Variants in HECW2 observed in about 807,000 individuals in gnomAD.
The protein encoded by HECW2 is HECT, C2 and WW domain containing E3 ubiquitin protein ligase 2.
HECW2 carries 61 observed loss-of-function variants against 175.2 expected under a neutral mutation model. The ratio of observed to expected loss-of-function variants is 0.35; its 90% confidence interval spans 0.28 to 0.43. HECW2 has a LOEUF of 0.43. Among genes scored for constraint, HECW2 ranks in the 20% least tolerant of loss-of-function variants. The probability of loss-of-function intolerance (pLI) is 1.00; values close to 1 mark genes in which losing one functional copy is unlikely to be tolerated. For missense variants in HECW2, 1,524 were observed against 2,000.5 expected, an observed-to-expected ratio of 0.76 and a Z score of 4.54; for synonymous variants, 671 against 731.0, an observed-to-expected ratio of 0.92 and a Z score of 1.32.
intron 1 of HECW2, among the ~76,000 whole-genome samples, chr2:196,445,705 T>G (rs769550160): frequency 6.6e-6 from 1 of 152,056 alleles, no homozygotes; most frequent in Non-Finnish European, 1.5e-5. Flanking sequence ...GGGGCTGAAG[T>G]AAAGAAAAGT....
intron 4 of HECW2, among the ~76,000 whole-genome samples, chr2:196,333,474 C>T (rs971493467): frequency 2.6e-5 from 4 of 152,162 alleles, no homozygotes; most frequent in African/African-American, 9.7e-5. Context: ...TGACTACTTG[C>T]CTGTTTCCAA....
At chr2:196,416,322 C>A (rs767973041) in intron 2 of HECW2, among the ~76,000 whole-genome samples, 1 of 151,760 alleles carries the variant, frequency 6.6e-6, no homozygotes, top group Non-Finnish European at 1.5e-5. Context: ...CAGTGTGCTG[C>A]ACTAAAAAGG....
At chr2:196,235,648 C>CTTTTTTTTTT (rs757874073) in intron 21 of HECW2, among the ~76,000 whole-genome samples, 4 of 78,896 alleles carry the variant, frequency 5.1e-5, no homozygotes, top group Non-Finnish European at 7.2e-5. Context: ...ATGCATTATT[C>CTTTTTTTTTT]TTTTTTTTTT....
At chr2:196,265,814 G>A (rs922936523) in intron 17 of HECW2, among the ~76,000 whole-genome samples, 1 of 152,168 alleles carries the variant, frequency 6.6e-6, no homozygotes, top group Non-Finnish European at 1.5e-5. Flanking sequence ...TTACAGACGA[G>A]GATGACAACT....
At chr2:196,509,199 T>C (rs942694469) in intron 1 of HECW2, among the ~76,000 whole-genome samples, 1 of 152,114 alleles carries the variant, frequency 6.6e-6, no homozygotes, top group African/African-American at 2.4e-5. Context: ...AAGAGATACA[T>C]AGGGTGAGTT....
rs12472336 is a variant in HECW2, at chr2:196,197,069, A to T, written c.*4208T>A. ...GCACTCCAGCCTGGATGACAGAGCC[A>T]GACTGTCTCAAACAAACAAACAAAG... On this transcript the variant is annotated 3_prime_UTR_variant, in exon 29 of 29. Transcript: ENST00000644978. 0.49 allele frequency: 73,882 copies of T among 152,024 alleles called. 21,214 individuals carry two copies. The highest frequency in any genetic ancestry group is 0.64 in the South Asian group (3,081 of 4,810). The allele number at this position is 152,024 out of a possible 1,614,324, so 9.4% of individuals were successfully genotyped here.
chr2:196,466,673 C>A (rs1302918464), intron 1 of HECW2, among the ~76,000 whole-genome samples: 1 of 152,096 alleles, frequency 6.6e-6, no homozygotes, highest in Non-Finnish European at 1.5e-5. Flanking sequence ...AGATTTGAAG[C>A]AGATCTTAAT....
chr2:196,592,302 G>T (rs1691227813), intron 1 of HECW2, among the ~76,000 whole-genome samples: 1 of 152,120 alleles, frequency 6.6e-6, no homozygotes, highest in South Asian at 2.1e-4. Context: ...AATATCGATT[G>T]AACCCTTGTA....
intron 1 of HECW2, among the ~76,000 whole-genome samples, chr2:196,565,338 G>A (rs1441358350): frequency 2.0e-5 from 3 of 152,136 alleles, no homozygotes; most frequent in East Asian, 1.9e-4. Flanking sequence ...ATCCTCTTTC[G>A]GCATTTTGCC....
chr2:196,585,024 T>A (rs1054964697), intron 1 of HECW2, among the ~76,000 whole-genome samples: 6 of 152,194 alleles, frequency 3.9e-5, no homozygotes, highest in Non-Finnish European at 7.4e-5. Context: ...ATAAAAAAAA[T>A]TCATAGTCTA....
chr2:196,436,682 T>C (rs1424968018), intron 1 of HECW2, among the ~76,000 whole-genome samples: 1 of 151,878 alleles, frequency 6.6e-6, no homozygotes, highest in Non-Finnish European at 1.5e-5. Context: ...CAAAAATGTA[T>C]GGAGCATCTA....
intron 2 of HECW2, among the ~76,000 whole-genome samples, chr2:196,417,669 C>T (rs1242955564): frequency 2.0e-5 from 3 of 152,186 alleles, no homozygotes; most frequent in African/African-American, 7.2e-5. Flanking sequence ...ATATGCTGAC[C>T]AGTAACCTTG....
chr2:196,362,307 T>C (rs1034803018), intron 2 of HECW2: 4 of 195,272 alleles, frequency 2.0e-5, no homozygotes, highest in African/African-American at 2.7e-5. Context: ...TTCCAAAGAA[T>C]GAGTTATGTG....
At chr2:196,442,516 C>T (rs1229688644) in intron 1 of HECW2, among the ~76,000 whole-genome samples, 3 of 152,168 alleles carry the variant, frequency 2.0e-5, no homozygotes, top group Non-Finnish European at 4.4e-5. Context: ...ATCACCACAA[C>T]ATTATTCAAA....
chr2:196,579,180 C>G (rs1690673012), intron 1 of HECW2, among the ~76,000 whole-genome samples: 1 of 151,982 alleles, frequency 6.6e-6, no homozygotes, highest in African/African-American at 2.4e-5. Context: ...AGAGCAACTA[C>G]TAAGAAAATA....
At chr2:196,315,040 AC>A (rs34807127) in intron 10 of HECW2, among the ~76,000 whole-genome samples, 8,553 of 152,168 alleles carry the variant, frequency 0.056, 322 homozygotes, top group African/African-American at 0.092. Flanking sequence ...GGAATGGGAG[AC>A]AGAGCTGAAC....
At chr2:196,254,993 A>G (rs1249820087) in intron 18 of HECW2, among the ~76,000 whole-genome samples, 3 of 132,466 alleles carry the variant, frequency 2.3e-5, no homozygotes, top group Non-Finnish European at 4.7e-5. Context: ...TTTTTTTCTG[A>G]GACAGAGTCT....
intron 11 of HECW2, among the ~76,000 whole-genome samples, 188 bp from the exon 12 acceptor site, chr2:196,307,421 T>C (rs1419790033): frequency 6.6e-6 from 1 of 152,208 alleles, no homozygotes; most frequent in Non-Finnish European, 1.5e-5. Flanking sequence ...CTGTCCATTG[T>C]TTGGGGAACA....
chr2:196,411,562 A>C (rs1695111485), intron 2 of HECW2, among the ~76,000 whole-genome samples: 2 of 152,244 alleles, frequency 1.3e-5, no homozygotes, highest in South Asian at 4.1e-4. Flanking sequence ...CTGTAAAAGG[A>C]GACACACCAG....
Sources: allele counts gnomAD v4.1 joint callset (sites outside exome capture counted in the v4.1 genomes callset), GRCh38; gene constraint gnomAD v4.1.1; transcripts MANE v1.5; gene names NCBI Gene and HGNC (gene_info 2026-07-23, HGNC 2026-07-21).